Variants in GRM7 observed in about 807,000 individuals in gnomAD.
The protein encoded by GRM7 is glutamate metabotropic receptor 7.
A neutral mutation model predicts 84.5 loss-of-function variants in GRM7; 35 were observed. That is an observed-to-expected ratio of 0.41 (90% CI 0.32 to 0.55). The LOEUF (loss-of-function observed/expected upper bound fraction) is 0.55. Among genes scored for constraint, GRM7 ranks in the 20% least tolerant of loss-of-function variants. GRM7 has a pLI of 0.19. For synonymous variants in GRM7, 487 were observed against 455.1 expected (o/e 1.07, Z -0.89); for missense variants, 1,003 against 1,194.6 (o/e 0.84, Z 2.36).
At chr3:7,287,178 A>G (rs935017848) in intron 2 of GRM7, among the ~76,000 whole-genome samples, 3 of 152,168 alleles carry the variant, frequency 2.0e-5, no homozygotes, top group Admixed American at 6.6e-5. Context: ...TACTAACGTC[A>G]TCTGGAGATA....
At chr3:7,011,476 A>G (rs990166677) in intron 1 of GRM7, among the ~76,000 whole-genome samples, 2 of 152,182 alleles carry the variant, frequency 1.3e-5, no homozygotes, top group African/African-American at 4.8e-5. Flanking sequence ...CTTTGGTGGT[A>G]TCTTACCATC....
At chr3:6,887,074 G>A (rs1223865052) in intron 1 of GRM7, among the ~76,000 whole-genome samples, 44 of 151,552 alleles carry the variant, frequency 2.9e-4, no homozygotes, top group Non-Finnish European at 8.8e-5. Flanking sequence ...TTATATATTT[G>A]GGGACCTTTT....
At chr3:7,387,899 T>A (rs1274558372) in intron 4 of GRM7, among the ~76,000 whole-genome samples, 1 of 152,178 alleles carries the variant, frequency 6.6e-6, no homozygotes, top group Non-Finnish European at 1.5e-5. Context: ...ATTTTAACAA[T>A]ATTGATTCTT....
chr3:7,100,829 CTG>C (rs1165058655), intron 1 of GRM7, among the ~76,000 whole-genome samples: 1 of 151,788 alleles, frequency 6.6e-6, no homozygotes, highest in Non-Finnish European at 1.5e-5. Context: ...TGTTCTGACA[CTG>C]TGATAGATTT....
intron 9 of GRM7, among the ~76,000 whole-genome samples, chr3:7,686,924 T>TA (rs1341078264): frequency 5.3e-5 from 8 of 152,174 alleles, no homozygotes; most frequent in Non-Finnish European, 1.2e-4. Context: ...TACACATTCC[T>TA]AAAAAAGTAT....
chr3:7,681,609 G>A (rs1300312839), intron 9 of GRM7: 2 of 152,184 alleles, frequency 1.3e-5, no homozygotes, highest in African/African-American at 2.4e-5. Context: ...TACTGAGAAG[G>A]GAGGAACAGA....
chr3:7,161,726 C>T (rs537383029), intron 2 of GRM7, among the ~76,000 whole-genome samples: 2 of 152,174 alleles, frequency 1.3e-5, no homozygotes, highest in Non-Finnish European at 2.9e-5. Flanking sequence ...AATATCTGTT[C>T]AGTGCCTACT....
chr3:7,091,316 G>A (rs1698656573), intron 1 of GRM7, among the ~76,000 whole-genome samples: 1 of 152,064 alleles, frequency 6.6e-6, no homozygotes, highest in Non-Finnish European at 1.5e-5. Flanking sequence ...TATCCTCTAG[G>A]TTTCTCCAGT....
At chr3:7,281,862 C>T (rs939006528) in intron 2 of GRM7, among the ~76,000 whole-genome samples, 36 of 152,188 alleles carry the variant, frequency 2.4e-4, no homozygotes, top group African/African-American at 8.4e-4. Context: ...GGAAGGATTG[C>T]CTGAGTTCAG....
At chr3:7,350,572 A>T (rs927807414) in intron 4 of GRM7, among the ~76,000 whole-genome samples, 2 of 151,834 alleles carry the variant, frequency 1.3e-5, no homozygotes, top group Non-Finnish European at 2.9e-5. Flanking sequence ...AGCCAATTAA[A>T]CCTCTTTTCT....
At chr3:7,458,352 AT>A (rs766470318) in intron 6 of GRM7, among the ~76,000 whole-genome samples, 23 of 152,210 alleles carry the variant, frequency 1.5e-4, no homozygotes, top group Admixed American at 3.9e-4. Context: ...TGAATTCTTT[AT>A]CTCCTCTGGA....
Position 7,272,408 on chromosome 3 carries a change from A to G in GRM7, c.737-26276A>G, listed in dbSNP as rs186687155. Among the ~76,000 whole-genome samples the G allele has an allele frequency of 3.7e-3, 565 of 152,314 alleles. 4 individuals are homozygous for G. The highest frequency in any genetic ancestry group is 0.013 in the African/African-American group (534 of 41,580). On this transcript the variant is annotated intron_variant, in intron 2 of 9. Coordinates refer to ENST00000357716, the MANE Select transcript of GRM7 (RefSeq NM_000844.4). ...TGTCATGAGTTAATATATGGAATACATGGGAAACAGGAATACGTGTTTTAG... is the reference window on the plus strand; with the variant it reads ...TGTCATGAGTTAATATATGGAATACGTGGGAAACAGGAATACGTGTTTTAG...
chr3:7,240,520 T>A (rs547922572), intron 2 of GRM7, among the ~76,000 whole-genome samples: 1 of 152,174 alleles, frequency 6.6e-6, no homozygotes, highest in South Asian at 2.1e-4. Flanking sequence ...TACTAAGATA[T>A]GGTTGAATAT....
chr3:7,645,415 T>C (rs1410708500), intron 8 of GRM7, among the ~76,000 whole-genome samples: 2 of 151,284 alleles, frequency 1.3e-5, no homozygotes, highest in African/African-American at 2.4e-5. Flanking sequence ...GGTGTGGTGG[T>C]GCGCGCCTGT....
At chr3:7,620,462 C>G (rs1697305675) in intron 8 of GRM7, among the ~76,000 whole-genome samples, 1 of 151,958 alleles carries the variant, frequency 6.6e-6, no homozygotes, top group African/African-American at 2.4e-5. Flanking sequence ...TGACTTATAG[C>G]CATAGCTATA....
At position 7,477,829 on chromosome 3, in the gene GRM7, C is replaced by T. The variant is rs115019354; in HGVS notation, c.1515+16107C>T. 8.2e-3 allele frequency among the ~76,000 whole-genome samples: 1,254 copies of T among 152,262 alleles called. 15 individuals carry two copies. The highest frequency in any genetic ancestry group is 0.029 in the African/African-American group (1,187 of 41,538). On this transcript the variant is annotated intron_variant, in intron 7 of 9. Coordinates refer to ENST00000357716, the MANE Select transcript of GRM7 (RefSeq NM_000844.4). ...TCCAGTTAAAAAGTAAAATCACACA[C>T]GCATGTATTCAGCATACCTTGGTCC...
chr3:7,499,328 G>A (rs1699808157), intron 7 of GRM7, among the ~76,000 whole-genome samples: 1 of 152,122 alleles, frequency 6.6e-6, no homozygotes, highest in Non-Finnish European at 1.5e-5. Context: ...GTTCCTCTGG[G>A]TAGTCTCAAA....
At chr3:7,036,394 T>C (rs985717631) in intron 1 of GRM7, among the ~76,000 whole-genome samples, 3 of 152,196 alleles carry the variant, frequency 2.0e-5, no homozygotes, top group Non-Finnish European at 4.4e-5. Context: ...CATATGTCTC[T>C]GTTTGACGAT....
chr3:7,721,260 C>A (rs566211214), intron 9 of GRM7, among the ~76,000 whole-genome samples: 3 of 152,266 alleles, frequency 2.0e-5, no homozygotes, highest in African/African-American at 7.2e-5. Flanking sequence ...ACACAGTTTT[C>A]AGTTTTTGGT....
Sources: gnomAD v4.1 joint callset for allele counts (sites outside exome capture counted in the v4.1 genomes callset) on GRCh38, gnomAD v4.1.1 for gene constraint, MANE v1.5 for transcripts, NCBI Gene and HGNC (gene_info 2026-07-23, HGNC 2026-07-21) for gene names.